Variants in ZC3H12A observed in about 807,000 individuals in gnomAD.
The protein encoded by ZC3H12A is zinc finger CCCH-type containing 12A.
A neutral mutation model predicts 29.9 loss-of-function variants in ZC3H12A; 9 were observed. The observed-to-expected ratio is 0.30, with a 90% CI of 0.18 to 0.53. ZC3H12A has a LOEUF of 0.53. Among genes scored for constraint, ZC3H12A ranks in the 20% least tolerant of loss-of-function variants. ZC3H12A has a pLI of 0.96. For missense variants in ZC3H12A, 617 were observed against 799.0 expected (o/e 0.77, Z 2.75); for synonymous variants, 323 against 338.1 (o/e 0.96, Z 0.49).
Position 37,482,932 on chromosome 1 carries a change from G to T in ZC3H12A, c.1121G>T (p.Cys374Phe), listed in dbSNP as rs1641741786. The change falls in exon 6 of 6, where the codon TGC becomes TTC. Residue 374 changes from cysteine to phenylalanine, a missense_variant. Coordinates refer to ENST00000373087, the MANE Select transcript of ZC3H12A (RefSeq NM_025079.3). Reference protein sequence around the residue: ...SSSLLTESEQCSLDGKKLGAQ... With the variant: ...SSSLLTESEQFSLDGKKLGAQ... The stretch of plus-strand genomic sequence containing the variant: ...TCTCTGCTAACAGAGAGTGAGCAGT[G>T]CAGCCTGGATGGGAAGAAGCTGGGG... The T allele has an allele frequency of 2.5e-6, 4 of 1,613,632 alleles. No individual in the cohort carries two copies. In the African/African-American group the frequency reaches 4.0e-5, roughly 16 times the overall value.
chr1:37,474,955 G>A (rs2148039065), intron 1 of ZC3H12A, among the ~76,000 whole-genome samples: 1 of 152,342 alleles, frequency 6.6e-6, no homozygotes, highest in South Asian at 2.1e-4. Flanking sequence ...TCTCCCCACG[G>A]GTCACCCCAG....
In ZC3H12A at chr1:37,475,705, A is replaced by G. The variant is rs761480143; in HGVS notation, c.209A>G (p.Gln70Arg). The G allele has an allele frequency of 2.5e-6, 4 of 1,614,122 alleles. No individual in the cohort carries two copies. Among genetic ancestry groups the G allele is most frequent in the Non-Finnish European group, 3.4e-6 (4 of 1,180,050 alleles). ...TCCACGGAGATCCACAGCGTCCTGC[A>G]GAAGCTGGGCGTCCAGGCAGACACC... The part of the protein sequence containing the change: ...YSSTEIHSVL[Q>R]KLGVQADTNT... Residue 70 changes from glutamine to arginine, a missense_variant, in exon 2 of 6, where the codon CAG becomes CGG. Physicochemically the swap from Gln to Arg is conservative, Grantham distance 43 (BLOSUM62 1). This residue lies in a region of ZC3H12A where 255 missense variants were observed against 402.5 expected (regional missense o/e 0.63). Coordinates refer to ENST00000373087, the MANE Select transcript of ZC3H12A (RefSeq NM_025079.3). This position sits in a 1 kb window ranked among gnomAD's most constrained non-coding sequence, Gnocchi z 5.2.
At chr1:37,481,566 T>C (rs1314072625) in intron 3 of ZC3H12A, 35 bp from the exon 4 acceptor site, 2 of 1,607,720 alleles carry the variant, frequency 1.2e-6, no homozygotes, top group Admixed American at 3.3e-5. Flanking sequence ...TAGGTCCCGC[T>C]GGGCCCTGAC....
Position 37,478,549 on chromosome 1 carries a change from G to T in ZC3H12A, c.444-1741G>T, listed in dbSNP as rs550717196. On this transcript the variant is annotated intron_variant, in intron 2 of 5. Coordinates refer to ENST00000373087, the MANE Select transcript of ZC3H12A (RefSeq NM_025079.3). This position sits in a 1 kb window ranked among gnomAD's most constrained non-coding sequence, Gnocchi z 5.2. ...ATATCTGGCCACCAGCGGGAGCTCA[G>T]TGCCTGCGAATCCCTGCTCATTCCC... Among the ~76,000 whole-genome samples the T allele has an allele frequency of 1.8e-4, 27 of 152,284 alleles. 1 individual carries two copies. Among genetic ancestry groups the T allele is most frequent in the Admixed American group, 1.6e-3 (24 of 15,310 alleles).
At chr1:37,480,243 G>A (rs1641675197) in intron 2 of ZC3H12A, 47 bp from the exon 3 acceptor site, 15 of 1,588,118 alleles carry the variant, frequency 9.4e-6, no homozygotes, top group Non-Finnish European at 1.3e-5. Context: ...CCTAGGGGGT[G>A]GCAGGCTGGC....
In ZC3H12A at chr1:37,482,484, A is replaced by G; in HGVS notation, c.869A>G (p.Asn290Ser). The G allele has an allele frequency of 6.2e-7, 1 of 1,614,060 alleles. No homozygotes were observed. The highest frequency in any genetic ancestry group is 8.5e-7 in the Non-Finnish European group (1 of 1,179,986). ...PLGRHGPSLD[N>S]FLRKKPLTLE... Reference sequence around the variant, plus strand: ...GGCCGGCACGGGCCCAGCCTGGACAACTTCCTGCGTAAGAAGCCACTCACT... The same window carrying G: ...GGCCGGCACGGGCCCAGCCTGGACAGCTTCCTGCGTAAGAAGCCACTCACT... The change falls in exon 5 of 6, where the codon AAC (asparagine) becomes AGC (serine). Residue 290 changes from asparagine to serine, a missense_variant. By Grantham distance (46) the Asn-to-Ser change is conservative. Coordinates refer to ENST00000373087, the MANE Select transcript of ZC3H12A (RefSeq NM_025079.3).
Position 37,483,464 on chromosome 1 carries a change from G to A in ZC3H12A, c.1653G>A (p.Lys551=), listed in dbSNP as rs1569930983. 6.2e-7 allele frequency: 1 copy of A among 1,614,042 alleles called. No homozygotes were observed. The highest frequency in any genetic ancestry group is 8.5e-7 in the Non-Finnish European group (1 of 1,179,954). Residue 551 remains lysine (K), a synonymous_variant, in exon 6 of 6, where the codon AAG becomes AAA. Coordinates refer to ENST00000373087, the MANE Select transcript of ZC3H12A (RefSeq NM_025079.3). The stretch of plus-strand genomic sequence containing the variant: ...GGGGCAGGGCAGGCAGCCTGGCCAA[G>A]GAGCAGGCCAGCGTGTATACTAAGC... ...SPWGRAGSLA[K]EQASVYTKLC...
At chr1:37,481,955 CG>C in intron 4 of ZC3H12A, 120 bp downstream of exon 4, 1 of 967,142 alleles carries the variant, frequency 1.0e-6, no homozygotes, top group African/African-American at 1.6e-5. Flanking sequence ...TGGGAGGTTG[CG>C]GGTCTTGGCT....
rs967820369 is a variant in ZC3H12A, at chr1:37,481,950, G to A, written c.818+115G>A. ...TCTGCGGGGCCCTGTGGCCATGGGA[G>A]GTTGCGGGTCTTGGCTCCAGGCAGC... On this transcript the variant is annotated intron_variant, in intron 4 of 5. Coordinates refer to ENST00000373087, the MANE Select transcript of ZC3H12A (RefSeq NM_025079.3). 1.1e-5 allele frequency: 12 copies of A among 1,062,702 alleles called. No individual in the cohort carries two copies. In the South Asian group the frequency reaches 1.6e-4, roughly 14 times the overall value. 65.8% of individuals were successfully genotyped at this position (1,062,702 alleles called of 1,614,324 possible). A position where few individuals can be genotyped will look rare whatever the true frequency, so the allele number is the denominator to read the frequency against.
Position 37,482,968 on chromosome 1 carries a change from C to T in ZC3H12A, c.1157C>T (p.Ser386Phe). ...GGGAAGAAGCTGGGGGCCCAGGCAT[C>T]CCCAGGGTCCCGCCAAGAGGGTCTA... ...LDGKKLGAQA[S>F]PGSRQEGLTQ... Residue 386 changes from serine to phenylalanine, a missense_variant, in exon 6 of 6, where the codon TCC becomes TTC. Around this residue, in one of 5 missense-constraint regions of ZC3H12A, gnomAD observed 115 missense variants for 112.5 expected, o/e 1.02. Coordinates refer to ENST00000373087, the MANE Select transcript of ZC3H12A (RefSeq NM_025079.3). 6.2e-7 allele frequency: 1 copy of T among 1,612,220 alleles called. No individual in the cohort carries two copies. Among genetic ancestry groups the T allele is most frequent in the Non-Finnish European group, 8.5e-7 (1 of 1,179,386 alleles).
chr1:37,475,715 C>T lies in ZC3H12A; in HGVS notation c.219C>T (p.Gly73=), dbSNP rs545298846. ...TCCACAGCGTCCTGCAGAAGCTGGG[C>T]GTCCAGGCAGACACCAACACGGTGC... is the stretch of plus-strand genomic sequence containing the variant. ...TEIHSVLQKL[G]VQADTNTVLG... Residue 73 remains glycine, a synonymous_variant, in exon 2 of 6, where the codon GGC becomes GGT. Coordinates refer to ENST00000373087, the MANE Select transcript of ZC3H12A (RefSeq NM_025079.3). This position sits in a 1 kb window ranked among gnomAD's most constrained non-coding sequence, Gnocchi z 5.2. 39 of 1,614,078 alleles carry T rather than the reference C, an allele frequency of 2.4e-5. 1 individual carries two copies. The Admixed American group carries it at 3.7e-4, about 15-fold the overall frequency.
In ZC3H12A at chr1:37,482,090, G is replaced by T. The variant is rs187772525; in HGVS notation, c.818+255G>T. Among the ~76,000 whole-genome samples the T allele has an allele frequency of 2.0e-5, 3 of 152,304 alleles. No homozygotes were observed. In the East Asian group the frequency reaches 5.8e-4, roughly 29 times the overall value. ...GATAGAGCCGTAGCACTTATGAGGG[G>T]ATGTATGTGGTTGATGGTTCCAGGT... On this transcript the variant is annotated intron_variant, in intron 4 of 5. Transcript: ENST00000373087.
In ZC3H12A at chr1:37,478,775, A is replaced by C. The variant is rs1268897481; in HGVS notation, c.444-1515A>C. 1 of 924,048 alleles carries C rather than the reference A, an allele frequency of 1.1e-6. No individual in the cohort carries two copies. The highest frequency in any genetic ancestry group is 1.3e-6 in the Non-Finnish European group (1 of 774,018). 57.2% of individuals were successfully genotyped at this position (924,048 alleles called of 1,614,324 possible). ...ATGATGGTATAGTGCCCTCCTCACA[A>C]GCTTGCTGATGATTCAGTGTTAGAC... is the stretch of plus-strand genomic sequence containing the variant. On this transcript the variant is annotated intron_variant, in intron 2 of 5. Coordinates refer to ENST00000373087, the MANE Select transcript of ZC3H12A (RefSeq NM_025079.3). This position sits in a 1 kb window ranked among gnomAD's most constrained non-coding sequence, Gnocchi z 5.2.
rs946331639 is a variant in ZC3H12A, at chr1:37,478,995, C to T, written c.444-1295C>T. The T allele has an allele frequency of 7.1e-6, 7 of 985,164 alleles. No individual in the cohort carries two copies. Among genetic ancestry groups the T allele is most frequent in the Non-Finnish European group, 8.4e-6 (7 of 829,886 alleles). 61.0% of individuals were successfully genotyped at this position (985,164 alleles called of 1,614,324 possible). On this transcript the variant is annotated intron_variant, in intron 2 of 5. Transcript: ENST00000373087. This position sits in a 1 kb window ranked among gnomAD's most constrained non-coding sequence, Gnocchi z 5.2. ...AATAGCCTCCATGGCCCCCAGCTGC[C>T]CCACCTCCCTCCCTAGCTTCTCTTA...
rs1232312656 is a variant in ZC3H12A at position 37,483,438 on chromosome 1, T to G, written c.1627T>G (p.Trp543Gly). Residue 543 changes from tryptophan (W) to glycine (G), a missense_variant, in exon 6 of 6, where the codon TGG becomes GGG. By Grantham distance (184) the Trp-to-Gly change is radical (BLOSUM62 -2). This residue lies in a region of ZC3H12A where 172 missense variants were observed against 203.1 expected (regional missense o/e 0.85). Transcript: ENST00000373087. The stretch of plus-strand genomic sequence containing the variant: ...GAGCCCAGGGGCTGGCAGGAGCCCG[T>G]GGGGCAGGGCAGGCAGCCTGGCCAA... ...VQSPGAGRSP[W>G]GRAGSLAKEQ... 3.1e-6 allele frequency: 5 copies of G among 1,613,902 alleles called. No individual in the cohort carries two copies. Among genetic ancestry groups the G allele is most frequent in the Non-Finnish European group, 4.2e-6 (5 of 1,179,938 alleles).
intron 1 of ZC3H12A, among the ~76,000 whole-genome samples, chr1:37,474,904 C>T (rs1641550000): frequency 1.3e-5 from 2 of 152,226 alleles, no homozygotes; most frequent in African/African-American, 4.8e-5. Flanking sequence ...GCCTCGGCGT[C>T]ACCAGCTCCC....
chr1:37,480,797 C>A (rs1173167682), intron 3 of ZC3H12A, among the ~76,000 whole-genome samples: 3 of 151,772 alleles, frequency 2.0e-5, no homozygotes, highest in Non-Finnish European at 4.4e-5. Flanking sequence ...TGGACAGGGA[C>A]CCCTCTTAGC....
chr1:37,481,532 T>A, intron 3 of ZC3H12A, 69 bp from the exon 4 acceptor site: 1 of 1,513,148 alleles, frequency 6.6e-7, no homozygotes, highest in East Asian at 2.3e-5. Context: ...ATCAGCAGGT[T>A]AGGGAGCCCT....
chr1:37,475,967 C>T lies in ZC3H12A; in HGVS notation c.443+28C>T. 3 of 1,486,080 alleles carry T rather than the reference C, an allele frequency of 2.0e-6. No individual in the cohort carries two copies. The highest frequency in any genetic ancestry group is 2.4e-5 in the Admixed American group (1 of 42,368). 92.1% of individuals were successfully genotyped at this position (1,486,080 alleles called of 1,614,324 possible). On this transcript the variant is annotated intron_variant, in intron 2 of 5. Coordinates refer to ENST00000373087, the MANE Select transcript of ZC3H12A (RefSeq NM_025079.3). This position sits in a 1 kb window ranked among gnomAD's most constrained non-coding sequence, Gnocchi z 5.2. ...AAGTGTCACTTCTGTGGCCAGGACA[C>T]ATGAGGTTCGCATCTCTCCTGTGGC...
Sources: gnomAD v4.1 joint callset for allele counts (sites outside exome capture counted in the v4.1 genomes callset) on GRCh38, gnomAD v4.1.1 for gene constraint, gnomAD v4.1.1 regional missense constraint, Gnocchi (gnomAD v3.1) non-coding constraint, MANE v1.5 for transcripts, NCBI Gene and HGNC (gene_info 2026-07-23, HGNC 2026-07-21) for gene names.